CACNA2D3: variants seen among roughly 807,000 people sequenced by gnomAD.
CACNA2D3 encodes calcium voltage-gated channel auxiliary subunit alpha2delta 3, also known as voltage-dependent calcium channel subunit alpha-2/delta-3.
CACNA2D3 carries 60 observed loss-of-function variants against 160.6 expected under a neutral mutation model. The observed-to-expected ratio is 0.37, with a 90% CI of 0.30 to 0.46. The LOEUF (loss-of-function observed/expected upper bound fraction) is 0.46. CACNA2D3 is among the 20% of genes least tolerant of loss of function. The pLI is 1.00. For synonymous variants in CACNA2D3, 558 were observed against 492.9 expected (o/e 1.13, Z -1.75); for missense variants, 1,205 against 1,365.0 (o/e 0.88, Z 1.85).
intron 2 of CACNA2D3, among the ~76,000 whole-genome samples, chr3:54,220,311 C>T (rs1046146284): frequency 5.3e-5 from 8 of 151,598 alleles, no homozygotes; most frequent in East Asian, 1.9e-4. Flanking sequence ...ATTAATTAAG[C>T]GTGTGATTAT....
intron 4 of CACNA2D3, among the ~76,000 whole-genome samples, chr3:54,491,198 G>A (rs1345680380): frequency 6.6e-6 from 1 of 152,138 alleles, no homozygotes; most frequent in African/African-American, 2.4e-5. Context: ...TGTTCTTAGG[G>A]TCAGTGGTGC....
intron 35 of CACNA2D3, among the ~76,000 whole-genome samples, chr3:55,060,300 C>T (rs901745228): frequency 2.6e-5 from 4 of 152,124 alleles, no homozygotes; most frequent in Admixed American, 2.6e-4. Flanking sequence ...GACTATCATA[C>T]AATGCCTGTA....
intron 10 of CACNA2D3, chr3:54,638,657 G>A (rs1018106222): frequency 2.0e-5 from 3 of 151,916 alleles, no homozygotes; most frequent in Non-Finnish European, 4.4e-5. Flanking sequence ...TTTGGGACGA[G>A]TTGCACTGGG....
intron 17 of CACNA2D3, among the ~76,000 whole-genome samples, chr3:54,863,008 C>G (rs1257416090): frequency 6.6e-6 from 1 of 152,168 alleles, no homozygotes. Context: ...AAAGAAAGTT[C>G]TGTAAATTTT....
At chr3:54,805,297 A>T (rs1246077950) in intron 13 of CACNA2D3, among the ~76,000 whole-genome samples, 1 of 152,206 alleles carries the variant, frequency 6.6e-6, no homozygotes, top group Non-Finnish European at 1.5e-5. Flanking sequence ...ATATTGATAG[A>T]CCACTAGCAA....
chr3:54,349,150 C>T (rs185961814), intron 3 of CACNA2D3, among the ~76,000 whole-genome samples: 7 of 152,156 alleles, frequency 4.6e-5, no homozygotes, highest in Admixed American at 1.3e-4. Flanking sequence ...ATTTTGGGGA[C>T]GGGGTGCTGA....
At chr3:54,982,349 C>A (rs1702525893) in intron 29 of CACNA2D3, among the ~76,000 whole-genome samples, 1 of 152,078 alleles carries the variant, frequency 6.6e-6, no homozygotes, top group Non-Finnish European at 1.5e-5. Flanking sequence ...TTAATAGGAG[C>A]CTTTAGCCCA....
chr3:54,821,022 G>A (rs1039589766), intron 14 of CACNA2D3, among the ~76,000 whole-genome samples: 1 of 152,102 alleles, frequency 6.6e-6, no homozygotes, highest in Non-Finnish European at 1.5e-5. Flanking sequence ...ACTCTTCAGG[G>A]AGTTCCAAAC....
At chr3:54,847,741 A>G (rs1698967119) in intron 17 of CACNA2D3, among the ~76,000 whole-genome samples, 1 of 152,264 alleles carries the variant, frequency 6.6e-6, no homozygotes, top group African/African-American at 2.4e-5. Context: ...TCTGATTGAA[A>G]AAGCGGCTGT....
intron 35 of CACNA2D3, among the ~76,000 whole-genome samples, chr3:55,021,647 G>GTGTGTA (rs1559465919): frequency 8.2e-4 from 115 of 140,958 alleles, no homozygotes; most frequent in African/African-American, 3.0e-3. Context: ...ATATATATGT[G>GTGTGTA]TATATATATA....
At chr3:54,263,563 T>G (rs1349930243) in intron 2 of CACNA2D3, among the ~76,000 whole-genome samples, 2 of 152,180 alleles carry the variant, frequency 1.3e-5, no homozygotes, top group Non-Finnish European at 2.9e-5. Flanking sequence ...TTGGTTCTCT[T>G]AACTCCTATG....
intron 14 of CACNA2D3, among the ~76,000 whole-genome samples, chr3:54,822,836 C>CTTTCTTTCTTTTCTTTCT (rs1559595873): frequency 1.2e-5 from 1 of 82,874 alleles, no homozygotes; most frequent in African/African-American, 5.7e-5. Context: ...TCTTTCTTTT[C>CTTTCTTTCTTTTCTTTCT]TTTCTTTCTT....
At chr3:54,779,946 T>C (rs1385058905) in intron 13 of CACNA2D3, among the ~76,000 whole-genome samples, 1 of 152,220 alleles carries the variant, frequency 6.6e-6, no homozygotes, top group Non-Finnish European at 1.5e-5. Flanking sequence ...CCTGATACTG[T>C]GCCTAGCACA....
At chr3:54,524,743 C>G (rs1037160400) in intron 5 of CACNA2D3, among the ~76,000 whole-genome samples, 2 of 152,032 alleles carry the variant, frequency 1.3e-5, no homozygotes, top group Non-Finnish European at 2.9e-5. Context: ...AAATATTTCT[C>G]TTTATCTTCA....
intron 35 of CACNA2D3, among the ~76,000 whole-genome samples, chr3:55,066,492 G>A (rs990076455): frequency 3.3e-5 from 5 of 152,188 alleles, no homozygotes; most frequent in South Asian, 4.2e-4. Context: ...TTATCCCTGC[G>A]TTCCTCCCCA....
At chr3:54,990,941 G>A (rs1702724966) in intron 31 of CACNA2D3, among the ~76,000 whole-genome samples, 2 of 152,138 alleles carry the variant, frequency 1.3e-5, no homozygotes, top group Admixed American at 1.3e-4. Flanking sequence ...CCACTCTTGG[G>A]CACTTTAGTT....
chr3:54,542,274 A>G (rs978083724), intron 5 of CACNA2D3, among the ~76,000 whole-genome samples: 2 of 152,004 alleles, frequency 1.3e-5, no homozygotes, highest in Non-Finnish European at 2.9e-5. Context: ...GTTGGCCAGG[A>G]TGGTCTCAAT....
chr3:54,879,151 T>C (rs1699733026), intron 19 of CACNA2D3, 62 bp downstream of exon 19: 1 of 1,133,220 alleles, frequency 8.8e-7, no homozygotes, highest in Non-Finnish European at 1.3e-6. Context: ...AAAAATTAGC[T>C]TTGAAAGCTA....
At chr3:54,246,962 A>C (rs1398745565) in intron 2 of CACNA2D3, among the ~76,000 whole-genome samples, 1 of 152,200 alleles carries the variant, frequency 6.6e-6, no homozygotes, top group Non-Finnish European at 1.5e-5. Context: ...AAGAATGAGC[A>C]GACTAACATC....
Sources: gnomAD v4.1 joint callset for allele counts (sites outside exome capture counted in the v4.1 genomes callset) on GRCh38, gnomAD v4.1.1 for gene constraint, MANE v1.5 for transcripts, NCBI Gene and HGNC (gene_info 2026-07-23, HGNC 2026-07-21) for gene names.